The following MGAT4C variants were observed in gnomAD, a reference collection of about 807,000 sequenced individuals.
The protein encoded by MGAT4C is alpha-1,3-mannosyl-glycoprotein 4-beta-N-acetylglucosaminyltransferase C.
MGAT4C carries 19 observed loss-of-function variants against 40.1 expected under a neutral mutation model. That is an observed-to-expected ratio of 0.47 (90% confidence interval 0.33 to 0.70). The LOEUF is 0.70. Among genes scored for constraint, MGAT4C ranks in the 30% least tolerant of loss-of-function variants. The pLI, the probability that MGAT4C is intolerant of heterozygous loss-of-function variation, is 0.02. For missense variants in MGAT4C, 491 were observed against 563.2 expected (o/e 0.87, Z 1.30); for synonymous variants, 181 against 187.1 (o/e 0.97, Z 0.27).
At chr12:86,399,104 G>A (rs1956309703) in intron 3 of MGAT4C, among the ~76,000 whole-genome samples, 1 of 152,006 alleles carries the variant, frequency 6.6e-6, no homozygotes, top group Non-Finnish European at 1.5e-5. Flanking sequence ...CCGAGTAGCT[G>A]GGACTACAGG....
At chr12:86,252,314 T>C (rs1455011229) in intron 1 of MGAT4C, among the ~76,000 whole-genome samples, 1 of 152,070 alleles carries the variant, frequency 6.6e-6, no homozygotes, top group Non-Finnish European at 1.5e-5. Flanking sequence ...TATTATGCAA[T>C]AGGACCACAG....
chr12:86,735,923 A>G (rs898618612), intron 1 of MGAT4C, among the ~76,000 whole-genome samples: 5 of 151,726 alleles, frequency 3.3e-5, no homozygotes, highest in East Asian at 1.9e-4. Context: ...TGCATACTTT[A>G]TATGTTTTTA....
chr12:86,466,370 G>A (rs1442812993), intron 2 of MGAT4C, among the ~76,000 whole-genome samples: 1 of 152,100 alleles, frequency 6.6e-6, no homozygotes, highest in African/African-American at 2.4e-5. Context: ...AAAAATAAAT[G>A]AGCTATCAAG....
At position 86,796,837 on chromosome 12, in the gene MGAT4C, C is replaced by T. The variant is rs140404810; in HGVS notation, c.-262+41829G>A. Reference sequence around the variant, plus strand: ...TTTGAGGAAATGCATATGTTAATTACTTAGATTTAGTCATTCCAAAATGTA... The same window carrying T: ...TTTGAGGAAATGCATATGTTAATTATTTAGATTTAGTCATTCCAAAATGTA... On this transcript the variant is annotated intron_variant, in intron 1 of 7. Coordinates refer to the MGAT4C transcript ENST00000548651. 3.5e-3 allele frequency among the ~76,000 whole-genome samples: 532 copies of T among 151,906 alleles called. 3 individuals are homozygous for T. Among genetic ancestry groups the T allele is most frequent in the African/African-American group, 0.012 (510 of 41,482 alleles).
At chr12:86,287,543 T>C (rs1953384477) in intron 4 of MGAT4C, among the ~76,000 whole-genome samples, 1 of 152,126 alleles carries the variant, frequency 6.6e-6, no homozygotes, top group Non-Finnish European at 1.5e-5. Flanking sequence ...TGTGTGATGT[T>C]TCCCTCCCTG....
At chr12:86,364,007 C>T (rs1955539498) in intron 3 of MGAT4C, among the ~76,000 whole-genome samples, 1 of 151,820 alleles carries the variant, frequency 6.6e-6, no homozygotes, top group Non-Finnish European at 1.5e-5. Flanking sequence ...CACAAACACA[C>T]ACATACAAAA....
At chr12:86,342,162 C>T (rs1321462433) in intron 3 of MGAT4C, among the ~76,000 whole-genome samples, 5 of 152,106 alleles carry the variant, frequency 3.3e-5, no homozygotes, top group Admixed American at 6.5e-5. Flanking sequence ...GAGGGACAGG[C>T]TATCATCTTT....
intron 2 of MGAT4C, among the ~76,000 whole-genome samples, chr12:86,489,745 G>A (rs1410514284): frequency 1.3e-5 from 2 of 152,158 alleles, no homozygotes; most frequent in Non-Finnish European, 2.9e-5. Flanking sequence ...CTTGTCAGGA[G>A]TCCTGCAAAG....
intron 4 of MGAT4C, among the ~76,000 whole-genome samples, chr12:86,311,606 T>C (rs1592682144): frequency 6.6e-6 from 1 of 152,334 alleles, no homozygotes; most frequent in East Asian, 1.9e-4. Context: ...ATGGCATCAC[T>C]GGAATTGCAA....
At chr12:86,028,132 C>T (rs1449979715) in intron 2 of MGAT4C, 2 of 1,287,904 alleles carry the variant, frequency 1.6e-6, no homozygotes, top group Admixed American at 4.6e-5. Flanking sequence ...CTTTGCCACA[C>T]TCCTCTGCAC....
chr12:86,140,512 G>T (rs150370733), intron 1 of MGAT4C, among the ~76,000 whole-genome samples: 26 of 152,246 alleles, frequency 1.7e-4, no homozygotes, highest in Non-Finnish European at 3.5e-4. Flanking sequence ...CTGTCGGGGG[G>T]TGGGAGGTTA....
intron 2 of MGAT4C, among the ~76,000 whole-genome samples, chr12:86,679,646 T>C (rs1949944223): frequency 6.6e-6 from 1 of 152,082 alleles, no homozygotes; most frequent in Non-Finnish European, 1.5e-5. Context: ...ATGTGATTAG[T>C]GTCCTTATAA....
At position 86,469,255 on chromosome 12, in the gene MGAT4C, G is replaced by A. The variant is rs1046954010; in HGVS notation, c.-228-33990C>T. Among the ~76,000 whole-genome samples the A allele has an allele frequency of 9.9e-5, 15 of 152,046 alleles. 1 individual carries two copies. The highest frequency in any genetic ancestry group is 5.9e-5 in the Non-Finnish European group (4 of 68,006). The stretch of plus-strand genomic sequence containing the variant: ...ATCCCTGCTTTCTGATATTTACCCT[G>A]TTGTGTAAGGCTTCTTGTTGAGTGT... On this transcript the variant is annotated intron_variant, in intron 2 of 7. Coordinates refer to the MGAT4C transcript ENST00000548651.
intron 1 of MGAT4C, among the ~76,000 whole-genome samples, chr12:86,777,946 T>A (rs919935054): frequency 6.6e-6 from 1 of 152,204 alleles, no homozygotes; most frequent in Non-Finnish European, 1.5e-5. Flanking sequence ...TTTATAATGA[T>A]AATAAATATA....
chr12:86,515,738 C>CTTTT (rs940550644), intron 2 of MGAT4C, among the ~76,000 whole-genome samples: 7 of 133,464 alleles, frequency 5.2e-5, no homozygotes, highest in East Asian at 2.2e-4. Flanking sequence ...TAAAGCAATT[C>CTTTT]TTTTTTTTTT....
intron 2 of MGAT4C, among the ~76,000 whole-genome samples, chr12:86,607,895 A>T (rs1962099750): frequency 6.6e-6 from 1 of 152,088 alleles, no homozygotes; most frequent in Non-Finnish European, 1.5e-5. Flanking sequence ...TCTTTATGCC[A>T]TCATTATTTG....
At chr12:86,322,819 G>T (rs75705329) in intron 4 of MGAT4C, among the ~76,000 whole-genome samples, 5,667 of 152,098 alleles carry the variant, frequency 0.037, 297 homozygotes, top group African/African-American at 0.12. Context: ...ACTAGCATGA[G>T]ACAAGGTACT....
At chr12:86,116,060 C>T (rs564449903) in intron 1 of MGAT4C, among the ~76,000 whole-genome samples, 9 of 151,922 alleles carry the variant, frequency 5.9e-5, no homozygotes, top group Admixed American at 1.3e-4. Context: ...AGAACATCCC[C>T]GAGAAATGAA....
chr12:86,580,088 G>C (rs1960719782), intron 2 of MGAT4C, among the ~76,000 whole-genome samples: 1 of 151,138 alleles, frequency 6.6e-6, no homozygotes, highest in Non-Finnish European at 1.5e-5. Context: ...TCTTTCTCTA[G>C]GTTTGGGATT....
Sources: allele counts gnomAD v4.1 joint callset (sites outside exome capture counted in the v4.1 genomes callset), GRCh38; gene constraint gnomAD v4.1.1; transcripts MANE v1.5; gene names NCBI Gene and HGNC (gene_info 2026-07-23, HGNC 2026-07-21).